Variants in NOS2 observed in about 807,000 individuals in gnomAD.
NOS2 encodes the protein nitric oxide synthase, inducible.
In NOS2, 96 loss-of-function variants were observed where a neutral mutation model predicts 136.0. The ratio of observed to expected loss-of-function variants is 0.71; its 90% confidence interval spans 0.60 to 0.84. The LOEUF is 0.84. NOS2 is among the 40% of genes least tolerant of loss of function. NOS2 has a pLI of 0.00. For synonymous variants in NOS2, 539 were observed against 587.5 expected, an observed-to-expected ratio of 0.92 and a Z score of 1.20; for missense variants, 1,237 against 1,496.9, an observed-to-expected ratio of 0.83 and a Z score of 2.87.
rs1907950827 is a variant in NOS2, at chr17:27,757,164, C to T, written c.*82G>A. The T allele has an allele frequency of 1.8e-6, 2 of 1,098,964 alleles. No homozygotes were observed. Among genetic ancestry groups the T allele is most frequent in the Admixed American group, 4.1e-5 (2 of 49,060 alleles). 68.1% of individuals were successfully genotyped at this position (1,098,964 alleles called of 1,614,324 possible). On this transcript the variant is annotated 3_prime_UTR_variant, in exon 27 of 27. Coordinates refer to ENST00000313735, the MANE Select transcript of NOS2 (RefSeq NM_000625.4). ...GGGATATCACTTTCCTCCATCTCCC[C>T]AGGCCCTGTGACCTCAGATAATGCA...
chr17:27,772,823 C>T (rs1908540572), intron 13 of NOS2, among the ~76,000 whole-genome samples: 1 of 152,076 alleles, frequency 6.6e-6, no homozygotes, highest in Admixed American at 6.5e-5. Context: ...CGCTTGAGCC[C>T]AGGAGTTCAA....
chr17:27,759,937 G>A (rs1399906039), intron 25 of NOS2, 93 bp downstream of exon 25: 3 of 1,303,614 alleles, frequency 2.3e-6, no homozygotes, highest in Admixed American at 5.4e-5. Flanking sequence ...CTCAGGAGGT[G>A]AAGGCTCGGG....
chr17:27,798,235 G>A (rs376318385), intron 2 of NOS2, among the ~76,000 whole-genome samples: 81 of 152,268 alleles, frequency 5.3e-4, no homozygotes, highest in East Asian at 1.9e-3. Context: ...GGCAGCACCC[G>A]GCAACTAGTG....
At chr17:27,787,970 T>C (rs1361573706) in intron 4 of NOS2, 144 bp from the exon 5 acceptor site, 2 of 798,510 alleles carry the variant, frequency 2.5e-6, no homozygotes, top group African/African-American at 1.8e-5. Context: ...CACCTCCTCC[T>C]TGGGGTCCAC....
At chr17:27,760,580 GGC>G in intron 24 of NOS2, 41 bp downstream of exon 24, 1 of 1,550,986 alleles carries the variant, frequency 6.4e-7, no homozygotes, top group Non-Finnish European at 8.7e-7. Flanking sequence ...GGCAGGCGCT[GGC>G]CCCCTGGTGC....
chr17:27,762,581 A>G (rs1434428448), intron 22 of NOS2, among the ~76,000 whole-genome samples: 1 of 152,178 alleles, frequency 6.6e-6, no homozygotes, highest in Non-Finnish European at 1.5e-5. Flanking sequence ...CACAGTGCCT[A>G]CCCCACAATG....
chr17:27,773,241 T>C lies in NOS2; in HGVS notation c.1479A>G (p.Val493=). The C allele has an allele frequency of 1.2e-6, 2 of 1,612,694 alleles. No individual in the cohort carries two copies. The highest frequency in any genetic ancestry group is 1.1e-5 in the South Asian group (1 of 91,022). Residue 493 remains valine, a splice_region_variant and synonymous_variant, in exon 13 of 27, where the codon GTA becomes GTG. Transcript: ENST00000313735. ...GCCAGACATGGGTTTTCCAGGCCTC[T>C]ACCTTCAGAAAAGAAAGGAGATGTG... is the stretch of plus-strand genomic sequence containing the variant. The part of the protein sequence containing the change: ...YVLSPFYYYQ[V]EAWKTHVWQD...
At position 27,794,714 on chromosome 17, in the gene NOS2, G is replaced by GCGCACACA. The variant is rs371758052; in HGVS notation, c.110+3985_110+3986insTGTGTGCG. The stretch of plus-strand genomic sequence containing the variant: ...TACACACATGCGTACACACACACGC[G>GCGCACACA]CACACACACACACACACACACACAC... On this transcript the variant is annotated intron_variant, in intron 2 of 26. Transcript: ENST00000313735. Among the ~76,000 whole-genome samples the GCGCACACA allele has an allele frequency of 4.8e-3, 692 of 145,600 alleles. 9 individuals are homozygous for GCGCACACA. The highest frequency in any genetic ancestry group is 0.017 in the African/African-American group (665 of 39,484).
At chr17:27,786,751 C>T (rs897431409) in intron 5 of NOS2, among the ~76,000 whole-genome samples, 4 of 152,106 alleles carry the variant, frequency 2.6e-5, no homozygotes, top group African/African-American at 9.7e-5. Context: ...AAAATCAAGG[C>T]ATAGAGAGAC....
In NOS2 at chr17:27,787,763, C is replaced by T; in HGVS notation, c.382G>A (p.Gly128Arg). Reference sequence around the variant, plus strand: ...GGAGGGGTAGGCTTGTCCCTGGGTCCTCTGGTCAAACTTTTGGGAGTCATA... The same window carrying T: ...GGAGGGGTAGGCTTGTCCCTGGGTCTTCTGGTCAAACTTTTGGGAGTCATA... The part of the protein sequence containing the change: ...SIMTPKSLTR[G>R]PRDKPTPPDE... The change falls in exon 5 of 27, where the codon GGA becomes AGA. Residue 128 changes from glycine (G) to arginine (R), a missense_variant. Physicochemically the swap from Gly to Arg is moderately radical, Grantham distance 125. Transcript: ENST00000313735. 1.2e-6 allele frequency: 2 copies of T among 1,613,620 alleles called. No individual in the cohort carries two copies. Among genetic ancestry groups the T allele is most frequent in the Non-Finnish European group, 8.5e-7 (1 of 1,179,748 alleles).
At chr17:27,773,463 G>C (rs867392898) in intron 12 of NOS2, among the ~76,000 whole-genome samples, 15 of 152,176 alleles carry the variant, frequency 9.9e-5, no homozygotes, top group African/African-American at 3.1e-4. Flanking sequence ...TGCACATCGA[G>C]GGGGGGCGGC....
Position 27,782,101 on chromosome 17 carries a change from G to A in NOS2, c.636C>T (p.Phe212=), listed in dbSNP as rs776581126. The A allele has an allele frequency of 8.1e-6, 13 of 1,613,752 alleles. No individual in the cohort carries two copies. The highest frequency in any genetic ancestry group is 4.5e-5 in the East Asian group (2 of 44,888). Residue 212 remains phenylalanine (F), a synonymous_variant, in exon 7 of 27, where the codon TTC becomes TTT. Coordinates refer to ENST00000313735, the MANE Select transcript of NOS2 (RefSeq NM_000625.4). The stretch of plus-strand genomic sequence containing the variant: ...GGGCAGTGGAACAGCTGCGGGCATC[G>A]AAGACCTGCAACAGCCCATCCAGAC... ...GRIQWSNLQV[F]DARSCSTARE...
At chr17:27,788,785 T>TTCTC (rs1909100304) in intron 4 of NOS2, 24 bp downstream of exon 4, 3 of 1,601,686 alleles carry the variant, frequency 1.9e-6, no homozygotes, top group Non-Finnish European at 2.6e-6. Context: ...ACAAAGGTGG[T>TTCTC]TCTCCCTGAA....
chr17:27,797,036 G>A (rs1020169232), intron 2 of NOS2, among the ~76,000 whole-genome samples: 11 of 152,112 alleles, frequency 7.2e-5, no homozygotes, highest in Non-Finnish European at 1.3e-4. Flanking sequence ...CTGCATTCAA[G>A]CCCTTGTGCT....
chr17:27,762,707 G>A, intron 22 of NOS2, 91 bp downstream of exon 22: 1 of 941,834 alleles, frequency 1.1e-6, no homozygotes. Context: ...CTCCCTCCTT[G>A]AACTGATGAG....
At chr17:27,757,998 T>C (rs778112003) in intron 26 of NOS2, among the ~76,000 whole-genome samples, 37 of 152,222 alleles carry the variant, frequency 2.4e-4, no homozygotes, top group Admixed American at 9.8e-4. Flanking sequence ...CTTCCAGCTC[T>C]GCCTTCCCTG....
At chr17:27,763,862 T>C (rs1908212702) in intron 21 of NOS2, 119 bp downstream of exon 21, 1 of 755,670 alleles carries the variant, frequency 1.3e-6, no homozygotes, top group African/African-American at 1.9e-5. Flanking sequence ...CTTTGACAAG[T>C]CTCACTTTGG....
In NOS2 at chr17:27,760,197, G is replaced by A. The variant is rs770815461; in HGVS notation, c.3011-19C>T. 1 of 1,530,598 alleles carries A rather than the reference G, an allele frequency of 6.5e-7. No individual in the cohort carries two copies. Among genetic ancestry groups the A allele is most frequent in the Non-Finnish European group, 8.8e-7 (1 of 1,141,978 alleles). The allele number at this position is 1,530,598 out of a possible 1,614,324, so 94.8% of individuals were successfully genotyped here. A position where few individuals can be genotyped will look rare whatever the true frequency, so the allele number is the denominator to read the frequency against. ...CGCACTCCTGCAGGAGTCCCGGGCTGTTGTTACCATGTTGGCCACCAGAGG... is the reference window on the plus strand; with the variant it reads ...CGCACTCCTGCAGGAGTCCCGGGCTATTGTTACCATGTTGGCCACCAGAGG... On this transcript the variant is annotated intron_variant, in intron 24 of 26. Transcript: ENST00000313735.
chr17:27,775,373 A>G (rs189737518), intron 11 of NOS2, among the ~76,000 whole-genome samples: 1 of 152,054 alleles, frequency 6.6e-6, no homozygotes, highest in African/African-American at 2.4e-5. Flanking sequence ...CGAGACGGGG[A>G]GATCACCTGA....
Sources: allele counts gnomAD v4.1 joint callset (sites outside exome capture counted in the v4.1 genomes callset), GRCh38; gene constraint gnomAD v4.1.1; transcripts MANE v1.5; gene names NCBI Gene and HGNC (gene_info 2026-07-23, HGNC 2026-07-21).